Variants in GAS7 observed in about 807,000 individuals in gnomAD.
GAS7 encodes the protein growth arrest-specific protein 7.
GAS7 carries 28 observed loss-of-function variants against 71.1 expected under a neutral mutation model. The observed-to-expected ratio is 0.39, with a 90% confidence interval of 0.29 to 0.54. The LOEUF (loss-of-function observed/expected upper bound fraction) is 0.54. GAS7 is among the 20% of genes least tolerant of loss of function. The pLI is 0.62. For missense variants in GAS7, 436 were observed against 627.8 expected, an observed-to-expected ratio of 0.69 and a Z score of 3.27; for synonymous variants, 258 against 245.8, an observed-to-expected ratio of 1.05 and a Z score of -0.46.
At chr17:9,994,682 G>A (rs991920671) in intron 2 of GAS7, among the ~76,000 whole-genome samples, 1 of 144,860 alleles carries the variant, frequency 6.9e-6, no homozygotes, top group Non-Finnish European at 1.5e-5. Flanking sequence ...TTGACAAATG[G>A]GATCTAATTA....
At position 10,026,351 on chromosome 17, in the gene GAS7, T is replaced by G; in HGVS notation, c.184-6454A>C. On this transcript the variant is annotated intron_variant, in intron 1 of 13. Transcript: ENST00000432992. This position sits in a 1 kb window ranked among gnomAD's most constrained non-coding sequence, Gnocchi z 4.5. Reference sequence around the variant, plus strand: ...CCCACTCCCCCCACACCCAGATCTATATATAACAGCTCTGAAGTTGTCAGC... The same window carrying G: ...CCCACTCCCCCCACACCCAGATCTAGATATAACAGCTCTGAAGTTGTCAGC... 4.4e-6 allele frequency: 4 copies of G among 918,142 alleles called. No homozygotes were observed. The highest frequency in any genetic ancestry group is 5.2e-6 in the Non-Finnish European group (4 of 768,702). 56.9% of individuals were successfully genotyped at this position (918,142 alleles called of 1,614,324 possible).
chr17:10,039,336 G>A (rs1362445033), intron 1 of GAS7, among the ~76,000 whole-genome samples: 1 of 151,984 alleles, frequency 6.6e-6, no homozygotes, highest in East Asian at 1.9e-4. Context: ...TGTACACCCA[G>A]AGGGAAGCTG....
intron 1 of GAS7, among the ~76,000 whole-genome samples, chr17:10,124,231 G>C (rs1426255604): frequency 6.6e-6 from 1 of 152,214 alleles, no homozygotes; most frequent in East Asian, 1.9e-4. Context: ...CCAAGCTGAA[G>C]GTGGACATGG....
At chr17:10,081,743 T>G (rs967233005) in intron 1 of GAS7, among the ~76,000 whole-genome samples, 3 of 152,172 alleles carry the variant, frequency 2.0e-5, no homozygotes, top group African/African-American at 7.2e-5. Context: ...TTTCACACCC[T>G]CGGATGGCAA....
chr17:10,113,227 G>A (rs757735026), intron 1 of GAS7, among the ~76,000 whole-genome samples: 2 of 152,148 alleles, frequency 1.3e-5, no homozygotes, highest in East Asian at 1.9e-4. Flanking sequence ...ACTCCTACTC[G>A]CTGCTAGCAG....
Position 9,911,404 on chromosome 17 carries a change from T to A in GAS7, c.*5824A>T, listed in dbSNP as rs2067432386. ...CACGTGCCCTGACCTTACATTCCAC[T>A]GCAATCCCACTAAAGTTTCCCTCAA... is the stretch of plus-strand genomic sequence containing the variant. On this transcript the variant is annotated 3_prime_UTR_variant, in exon 14 of 14. Coordinates refer to ENST00000432992, the MANE Select transcript of GAS7 (RefSeq NM_201433.2). This position sits in a 1 kb window ranked among gnomAD's most constrained non-coding sequence, Gnocchi z 4.0. The A allele has an allele frequency of 4.3e-6, 1 of 232,892 alleles. No homozygotes were observed. Among genetic ancestry groups the A allele is most frequent in the Non-Finnish European group, 8.5e-6 (1 of 118,028 alleles). 14.4% of individuals were successfully genotyped at this position (232,892 alleles called of 1,614,324 possible).
intron 2 of GAS7, among the ~76,000 whole-genome samples, chr17:9,995,589 CAAGTT>C (rs1251839871): frequency 6.7e-6 from 1 of 150,286 alleles, no homozygotes; most frequent in Non-Finnish European, 1.5e-5. Context: ...TGGAGAAATA[CAAGTT>C]AAGACTGTAA....
intron 1 of GAS7, among the ~76,000 whole-genome samples, chr17:10,194,734 G>A (rs964883414): frequency 6.6e-6 from 1 of 152,068 alleles, no homozygotes; most frequent in African/African-American, 2.4e-5. Context: ...AGCACTTTGG[G>A]AGGCCGAGGC....
intron 1 of GAS7, among the ~76,000 whole-genome samples, chr17:10,066,408 G>A (rs1263661190): frequency 5.3e-5 from 8 of 152,180 alleles, no homozygotes; most frequent in Non-Finnish European, 8.8e-5. Flanking sequence ...TCAAACTCCC[G>A]ACCTCAGGTG....
intron 1 of GAS7, among the ~76,000 whole-genome samples, chr17:10,179,809 G>A (rs2074400390): frequency 6.6e-6 from 1 of 152,116 alleles, no homozygotes. Flanking sequence ...ACCCAAAATG[G>A]TGACCAGGAG....
intron 1 of GAS7, among the ~76,000 whole-genome samples, chr17:10,173,788 G>A (rs2074352776): frequency 6.6e-6 from 1 of 151,762 alleles, no homozygotes; most frequent in Non-Finnish European, 1.5e-5. Flanking sequence ...GAAAAAAAAA[G>A]AGACCCTCTC....
chr17:10,006,497 T>C (rs111575795), intron 2 of GAS7, among the ~76,000 whole-genome samples: 8,045 of 151,162 alleles, frequency 0.053, 678 homozygotes, highest in African/African-American at 0.18. Flanking sequence ...GCCCGGCTAA[T>C]TTTTTGTATT....
chr17:9,948,639 T>C (rs909663386), intron 5 of GAS7, among the ~76,000 whole-genome samples: 10 of 151,156 alleles, frequency 6.6e-5, no homozygotes, highest in African/African-American at 2.4e-4. Context: ...GCCGAGATTG[T>C]GCCATTGCAC....
At chr17:10,006,455 G>A (rs1452541163) in intron 2 of GAS7, among the ~76,000 whole-genome samples, 5 of 146,570 alleles carry the variant, frequency 3.4e-5, no homozygotes, top group Middle Eastern at 3.4e-3. Flanking sequence ...TCAGCCTCCC[G>A]AGTAGCTGGG....
At chr17:10,059,687 C>T (rs769325816) in intron 1 of GAS7, 1 of 985,248 alleles carries the variant, frequency 1.0e-6, no homozygotes. Flanking sequence ...CTGGTTCCAA[C>T]TCACCTCAGC....
chr17:10,014,791 C>A (rs2071924734), intron 2 of GAS7, among the ~76,000 whole-genome samples: 2 of 152,096 alleles, frequency 1.3e-5, no homozygotes, highest in African/African-American at 2.4e-5. Flanking sequence ...ATTTTGGATC[C>A]CCAGAGCCCG....
chr17:9,981,439 A>G lies in GAS7; in HGVS notation c.385+365T>C, dbSNP rs1372538929. Among the ~76,000 whole-genome samples, 1 of 151,916 alleles carries G rather than the reference A, an allele frequency of 6.6e-6. No individual in the cohort carries two copies. The highest frequency in any genetic ancestry group is 2.4e-5 in the African/African-American group (1 of 41,310). On this transcript the variant is annotated intron_variant, in intron 3 of 13. Transcript: ENST00000432992. This position sits in a 1 kb window ranked among gnomAD's most constrained non-coding sequence, Gnocchi z 4.4. ...TTTGAAAGCTGCCTTGTAAACATCT[A>G]CCTCCTTTTAGCTTCTACTCCGTGA...
chr17:10,032,578 T>C (rs956914458), intron 1 of GAS7, among the ~76,000 whole-genome samples: 1 of 152,192 alleles, frequency 6.6e-6, no homozygotes, highest in East Asian at 1.9e-4. Flanking sequence ...TGAGGTCCTA[T>C]AACCCATGCA....
At chr17:10,114,122 C>A (rs2073838820) in intron 1 of GAS7, among the ~76,000 whole-genome samples, 1 of 151,928 alleles carries the variant, frequency 6.6e-6, no homozygotes, top group South Asian at 2.1e-4. Flanking sequence ...AGATGGGGGT[C>A]TCCCTATGTT....
Sources: gnomAD v4.1 joint callset for allele counts (sites outside exome capture counted in the v4.1 genomes callset) on GRCh38, gnomAD v4.1.1 for gene constraint, Gnocchi (gnomAD v3.1) non-coding constraint, MANE v1.5 for transcripts, NCBI Gene and HGNC (gene_info 2026-07-23, HGNC 2026-07-21) for gene names.